GMDS: variants seen among roughly 807,000 people sequenced by gnomAD.
The protein encoded by GMDS is GDP-mannose 4,6 dehydratase.
In GMDS, 20 loss-of-function variants were observed where a neutral mutation model predicts 49.9. The ratio of observed to expected loss-of-function variants is 0.40; its 90% CI spans 0.28 to 0.58. GMDS has a LOEUF of 0.58. GMDS is among the 20% of genes least tolerant of loss of function. The pLI, the probability that GMDS is intolerant of heterozygous loss-of-function variation, is 0.42. For missense variants in GMDS, 362 were observed against 481.4 expected (o/e 0.75, Z 2.32); for synonymous variants, 177 against 178.6 (o/e 0.99, Z 0.07).
At chr6:1,776,513 C>T (rs1024725193) in intron 7 of GMDS, among the ~76,000 whole-genome samples, 1 of 149,518 alleles carries the variant, frequency 6.7e-6, no homozygotes, top group African/African-American at 2.5e-5. Flanking sequence ...CATGGCAAGA[C>T]TCTGTCTCTA....
At chr6:1,817,271 C>A (rs1244302596) in intron 7 of GMDS, among the ~76,000 whole-genome samples, 1 of 152,002 alleles carries the variant, frequency 6.6e-6, no homozygotes, top group East Asian at 1.9e-4. Context: ...TGTCTTGAAC[C>A]AAAATAGACT....
chr6:1,972,580 A>C (rs1235744693), intron 4 of GMDS, among the ~76,000 whole-genome samples: 4 of 152,242 alleles, frequency 2.6e-5, no homozygotes, highest in Non-Finnish European at 4.4e-5. Flanking sequence ...AGGAGAGCAC[A>C]CAGATTTGGA....
chr6:1,696,282 CGA>C (rs1765338042), intron 9 of GMDS, among the ~76,000 whole-genome samples: 1 of 152,234 alleles, frequency 6.6e-6, no homozygotes, highest in Non-Finnish European at 1.5e-5. Context: ...GAACTTTTCC[CGA>C]AGAGCGCAGT....
At chr6:1,937,026 T>G (rs909117666) in intron 6 of GMDS, among the ~76,000 whole-genome samples, 4 of 152,096 alleles carry the variant, frequency 2.6e-5, no homozygotes, top group African/African-American at 9.7e-5. Context: ...CTTTTGTCCT[T>G]TATATGGTAT....
At chr6:2,241,195 C>T (rs1006280318) in intron 1 of GMDS, among the ~76,000 whole-genome samples, 6 of 152,130 alleles carry the variant, frequency 3.9e-5, no homozygotes, top group Admixed American at 2.0e-4. Context: ...CATGCTGCTC[C>T]GACATCCTGG....
intron 7 of GMDS, among the ~76,000 whole-genome samples, chr6:1,795,201 A>C (rs991904897): frequency 2.0e-5 from 3 of 151,978 alleles, no homozygotes; most frequent in African/African-American, 4.8e-5. Context: ...CTCCGTCTCA[A>C]AAATAATAAC....
intron 4 of GMDS, among the ~76,000 whole-genome samples, chr6:1,963,181 CTTT>C (rs75060505): frequency 7.0e-6 from 1 of 143,438 alleles, no homozygotes. Context: ...AGCCTACTTC[CTTT>C]TTTTTTTTTA....
chr6:1,999,909 TATATTATATA>T (rs1561961256), intron 4 of GMDS, among the ~76,000 whole-genome samples: 3 of 102,768 alleles, frequency 2.9e-5, no homozygotes, highest in African/African-American at 1.1e-4. Context: ...ATATAATATA[TATATTATATA>T]CATATTATAT....
intron 1 of GMDS, among the ~76,000 whole-genome samples, chr6:2,221,208 A>G (rs1381335947): frequency 2.0e-5 from 3 of 152,154 alleles, no homozygotes; most frequent in African/African-American, 4.8e-5. Flanking sequence ...AAAAAAACAC[A>G]AAATTGTGGC....
chr6:2,036,361 G>A (rs1033114775), intron 4 of GMDS, among the ~76,000 whole-genome samples: 2 of 152,098 alleles, frequency 1.3e-5, no homozygotes, highest in Non-Finnish European at 2.9e-5. Context: ...CATAAACGCA[G>A]ATCTCGGGAA....
At chr6:2,185,627 G>A (rs934147716) in intron 1 of GMDS, among the ~76,000 whole-genome samples, 1 of 152,124 alleles carries the variant, frequency 6.6e-6, no homozygotes, top group African/African-American at 2.4e-5. Flanking sequence ...TCCACCCTGT[G>A]TGCAAGTTCC....
intron 4 of GMDS, among the ~76,000 whole-genome samples, chr6:2,067,370 C>A (rs1410524244): frequency 2.0e-5 from 3 of 149,252 alleles, no homozygotes; most frequent in African/African-American, 4.9e-5. Flanking sequence ...AAAGCAAGAG[C>A]AAACACATTC....
chr6:2,051,559 T>G (rs191964487), intron 4 of GMDS, among the ~76,000 whole-genome samples: 58 of 152,334 alleles, frequency 3.8e-4, no homozygotes, highest in African/African-American at 1.4e-3. Flanking sequence ...CAGGATTTTT[T>G]GTGGGGTTTT....
intron 7 of GMDS, among the ~76,000 whole-genome samples, chr6:1,881,433 TACTTTCTAGGAAAA>T (rs1474444237): frequency 3.9e-5 from 6 of 152,310 alleles, no homozygotes; most frequent in Non-Finnish European, 8.8e-5. Flanking sequence ...TAAGATGACT[TACTTTCTAGGAAAA>T]AAGGAGCTGA....
At chr6:2,059,535 C>T (rs1459938637) in intron 4 of GMDS, among the ~76,000 whole-genome samples, 6 of 147,738 alleles carry the variant, frequency 4.1e-5, no homozygotes, top group East Asian at 2.0e-4. Flanking sequence ...GGTGAAACCC[C>T]GTCTCTACTA....
chr6:2,083,233 C>A (rs77916728), intron 4 of GMDS, among the ~76,000 whole-genome samples: 2 of 152,086 alleles, frequency 1.3e-5, no homozygotes, highest in South Asian at 4.1e-4. Context: ...ACTTAGTAAA[C>A]GCTAGTATCT....
At chr6:1,650,805 C>T (rs1433421859) in intron 9 of GMDS, among the ~76,000 whole-genome samples, 3 of 152,110 alleles carry the variant, frequency 2.0e-5, no homozygotes, top group Non-Finnish European at 4.4e-5. Flanking sequence ...ATCTTGAACT[C>T]CTGACCTGAA....
At chr6:2,069,171 A>T (rs1039100978) in intron 4 of GMDS, among the ~76,000 whole-genome samples, 1 of 152,220 alleles carries the variant, frequency 6.6e-6, no homozygotes, top group Admixed American at 6.5e-5. Context: ...TGGGGAAAGG[A>T]TTCCCTATTT....
At position 2,192,668 on chromosome 6, in the gene GMDS, C is replaced by G. The variant is rs140176957; in HGVS notation, c.102+52653G>C. Among the ~76,000 whole-genome samples, 835 of 152,352 alleles carry G rather than the reference C, an allele frequency of 5.5e-3. 2 individuals are homozygous for G. Among genetic ancestry groups the G allele is most frequent in the Middle Eastern group, 0.017 (5 of 294 alleles). On this transcript the variant is annotated intron_variant, in intron 1 of 10. Transcript: ENST00000380815. ...TGCACCTGGTCCAGCCGCAGCCTCACAGAGAGCCAGTGCCCATGCTGGCAC... is the reference window on the plus strand; with the variant it reads ...TGCACCTGGTCCAGCCGCAGCCTCAGAGAGAGCCAGTGCCCATGCTGGCAC...
Sources: gnomAD v4.1 joint callset for allele counts (sites outside exome capture counted in the v4.1 genomes callset) on GRCh38, gnomAD v4.1.1 for gene constraint, MANE v1.5 for transcripts, NCBI Gene and HGNC (gene_info 2026-07-23, HGNC 2026-07-21) for gene names.